TAF4B: variants seen among roughly 807,000 people sequenced by gnomAD.
TAF4B encodes the protein TATA-box binding protein associated factor 4b.
In TAF4B, 38 loss-of-function variants were observed where a neutral mutation model predicts 86.4. The observed-to-expected ratio is 0.44, with a 90% CI of 0.34 to 0.58. TAF4B has a LOEUF of 0.58. Among genes scored for constraint, TAF4B ranks in the 20% least tolerant of loss-of-function variants. TAF4B has a pLI of 0.02. For synonymous variants in TAF4B, 388 were observed against 391.2 expected, an observed-to-expected ratio of 0.99 and a Z score of 0.10; for missense variants, 988 against 1,027.6, an observed-to-expected ratio of 0.96 and a Z score of 0.53.
At chr18:26,353,540 G>A (rs969904331) in intron 13 of TAF4B, among the ~76,000 whole-genome samples, 3 of 152,148 alleles carry the variant, frequency 2.0e-5, no homozygotes, top group African/African-American at 7.2e-5. Flanking sequence ...AGACCAGCCT[G>A]GGCAACATAG....
At chr18:26,320,986 G>T (rs2056956729) in intron 10 of TAF4B, 84 bp from the exon 11 acceptor site, 7 of 1,541,174 alleles carry the variant, frequency 4.5e-6, no homozygotes, top group Non-Finnish European at 6.2e-6. Flanking sequence ...ATGACTTCCA[G>T]GGGGAACAGA....
At chr18:26,285,234 T>TTTTTTTTTTTTTTTTTA (rs2056504938) in intron 6 of TAF4B, among the ~76,000 whole-genome samples, 1 of 82,710 alleles carries the variant, frequency 1.2e-5, no homozygotes, top group African/African-American at 4.1e-5. Flanking sequence ...TTTTTTTTTT[T>TTTTTTTTTTTTTTTTTA]TTGGAGATGG....
chr18:26,233,719 C>T (rs1465624102), intron 1 of TAF4B, among the ~76,000 whole-genome samples: 2 of 152,086 alleles, frequency 1.3e-5, no homozygotes, highest in Admixed American at 6.6e-5. Flanking sequence ...CTTCCTCAGC[C>T]CTCTCTGTCT....
chr18:26,334,976 A>G (rs2057079318), intron 12 of TAF4B, among the ~76,000 whole-genome samples, 199 bp from the exon 13 acceptor site: 1 of 152,188 alleles, frequency 6.6e-6, no homozygotes. Context: ...CCTCCAGGCT[A>G]GAACTGCAGC....
intron 11 of TAF4B, among the ~76,000 whole-genome samples, chr18:26,324,825 G>A (rs555578393): frequency 6.6e-6 from 1 of 152,186 alleles, no homozygotes; most frequent in African/African-American, 2.4e-5. Context: ...ATTATCATTT[G>A]GTTATATTTG....
intron 1 of TAF4B, 131 bp downstream of exon 1, chr18:26,227,407 A>C: frequency 1.3e-6 from 1 of 797,988 alleles, no homozygotes; most frequent in Middle Eastern, 2.3e-4. Context: ...TACAGTTAAC[A>C]TATTCTTTTT....
At chr18:26,279,902 G>T (rs935155928) in intron 5 of TAF4B, among the ~76,000 whole-genome samples, 1 of 152,066 alleles carries the variant, frequency 6.6e-6, no homozygotes, top group Non-Finnish European at 1.5e-5. Flanking sequence ...AAATTAGCTG[G>T]GTGTGGTGGC....
Position 26,327,159 on chromosome 18 carries a change from T to G in TAF4B, c.2259+19T>G. 6.2e-7 allele frequency: 1 copy of G among 1,606,442 alleles called. No homozygotes were observed. The highest frequency in any genetic ancestry group is 8.5e-7 in the Non-Finnish European group (1 of 1,178,198). On this transcript the variant is annotated intron_variant, in intron 12 of 14. Coordinates refer to ENST00000269142, the MANE Select transcript of TAF4B (RefSeq NM_005640.3). Reference sequence around the variant, plus strand: ...AGCCAAGGTAAGGGCCAGTGTGATTTATGAGTGAATGTGGCCTGGCAGTGT... The same window carrying G: ...AGCCAAGGTAAGGGCCAGTGTGATTGATGAGTGAATGTGGCCTGGCAGTGT...
chr18:26,244,813 G>A (rs1474537122), intron 1 of TAF4B, among the ~76,000 whole-genome samples: 1 of 152,218 alleles, frequency 6.6e-6, no homozygotes, highest in Non-Finnish European at 1.5e-5. Flanking sequence ...AGAGAGGTGG[G>A]AGGAAGTTTG....
intron 14 of TAF4B, among the ~76,000 whole-genome samples, chr18:26,370,226 C>G (rs1028753140): frequency 6.6e-6 from 1 of 152,198 alleles, no homozygotes; most frequent in Non-Finnish European, 1.5e-5. Context: ...ATCCTTATGT[C>G]TTGTAGCCAA....
intron 8 of TAF4B, among the ~76,000 whole-genome samples, chr18:26,293,009 A>G (rs1248058413): frequency 3.3e-5 from 5 of 152,194 alleles, no homozygotes; most frequent in East Asian, 1.9e-4. Context: ...TTCTTTCTCT[A>G]TGTACACACT....
chr18:26,386,069 ATCACCT>A (rs2144404176), intron 14 of TAF4B, among the ~76,000 whole-genome samples: 1 of 152,338 alleles, frequency 6.6e-6, no homozygotes, highest in Non-Finnish European at 1.5e-5. Flanking sequence ...AGAGAATGCT[ATCACCT>A]TCATAAAGTT....
At chr18:26,353,230 C>T (rs1210704539) in intron 13 of TAF4B, among the ~76,000 whole-genome samples, 1 of 152,090 alleles carries the variant, frequency 6.6e-6, no homozygotes, top group African/African-American at 2.4e-5. Context: ...ATGTATTGAT[C>T]TTGACATATG....
intron 9 of TAF4B, among the ~76,000 whole-genome samples, chr18:26,308,290 A>G (rs1458712577): frequency 6.6e-6 from 1 of 152,182 alleles, no homozygotes; most frequent in East Asian, 1.9e-4. Flanking sequence ...ATTCCAAGTG[A>G]ATTATATGAG....
At chr18:26,308,800 A>T (rs2056823097) in intron 9 of TAF4B, among the ~76,000 whole-genome samples, 1 of 141,030 alleles carries the variant, frequency 7.1e-6, no homozygotes, top group Non-Finnish European at 1.5e-5. Flanking sequence ...GGAACCTGGG[A>T]GGCGGAGGAT....
chr18:26,339,546 C>T (rs775281940), intron 13 of TAF4B, among the ~76,000 whole-genome samples: 9 of 152,008 alleles, frequency 5.9e-5, no homozygotes, highest in Non-Finnish European at 1.3e-4. Context: ...AGGCTGATCT[C>T]GATCTTGTGG....
intron 13 of TAF4B, among the ~76,000 whole-genome samples, chr18:26,341,506 A>G (rs773342729): frequency 3.9e-5 from 6 of 152,166 alleles, no homozygotes; most frequent in Non-Finnish European, 7.4e-5. Flanking sequence ...TTATAAATCA[A>G]ATGTTATTGG....
At chr18:26,357,647 TG>T (rs1231182586) in intron 13 of TAF4B, 42 bp from the exon 14 acceptor site, 1 of 1,372,600 alleles carries the variant, frequency 7.3e-7, no homozygotes, top group Non-Finnish European at 1.0e-6. Context: ...CCTCTGAGCA[TG>T]AATGTGTATA....
At chr18:26,389,722 A>G (rs1483874825) in intron 14 of TAF4B, 123 bp from the exon 15 acceptor site, 29 of 1,002,610 alleles carry the variant, frequency 2.9e-5, no homozygotes, top group Non-Finnish European at 3.9e-5. Context: ...CTTCATCATT[A>G]CATTATCTCC....
Sources: gnomAD v4.1 joint callset for allele counts (sites outside exome capture counted in the v4.1 genomes callset) on GRCh38, gnomAD v4.1.1 for gene constraint, MANE v1.5 for transcripts, NCBI Gene and HGNC (gene_info 2026-07-23, HGNC 2026-07-21) for gene names.